Variants in TMT1A observed in about 807,000 individuals in gnomAD.
TMT1A encodes the protein thiol methyltransferase 1A.
the TMT1A span, chr12:50,929,824 G>C: frequency 1.7e-6 from 2 of 1,185,794 alleles, no homozygotes; most frequent in Non-Finnish European, 1.2e-6. Flanking sequence ...GGTTTGCAAG[G>C]CAGTGCCAGA....
the TMT1A span, among the ~76,000 whole-genome samples, chr12:50,928,453 T>C: frequency 1.3e-5 from 2 of 152,242 alleles, no homozygotes; most frequent in Admixed American, 1.3e-4. Context: ...GAAAAGCTGA[T>C]GGAGCTGGAT....
the TMT1A span, among the ~76,000 whole-genome samples, chr12:50,927,823 T>C: frequency 6.6e-6 from 1 of 152,136 alleles, no homozygotes; most frequent in East Asian, 1.9e-4. Context: ...TTAATGCAAA[T>C]GCAAATATTC....
the TMT1A span, chr12:50,925,265 A>T: frequency 6.2e-7 from 1 of 1,614,168 alleles, no homozygotes; most frequent in Non-Finnish European, 8.5e-7. Flanking sequence ...TCCCTGCTGG[A>T]AGTGGGCTGT....
chr12:50,925,238 G>A, the TMT1A span: 4 of 1,614,210 alleles, frequency 2.5e-6, no homozygotes, highest in Non-Finnish European at 3.4e-6. Context: ...GAGTTTGCGG[G>A]CCCCTCCGGG....
the TMT1A span, among the ~76,000 whole-genome samples, chr12:50,926,104 G>A: frequency 7.0e-6 from 1 of 142,848 alleles, no homozygotes; most frequent in Non-Finnish European, 1.5e-5. Flanking sequence ...TACAAAACAA[G>A]CTTGGAAAAA....
chr12:50,925,518 G>A, the TMT1A span: 17 of 1,613,512 alleles, frequency 1.1e-5, 1 homozygote, highest in South Asian at 1.9e-4. Context: ...TCCGCGAGGT[G>A]TGCAGAGTGC....
At chr12:50,931,459 TAG>T in the TMT1A span, 1 of 150,830 alleles carries the variant, frequency 6.6e-6, no homozygotes, top group African/African-American at 2.4e-5. Flanking sequence ...CCTGTAATCC[TAG>T]CACTTTGGGA....
chr12:50,928,115 G>A, the TMT1A span, among the ~76,000 whole-genome samples: 1,266 of 152,264 alleles, frequency 8.3e-3, 15 homozygotes, highest in African/African-American at 0.027. Context: ...GTGAGCCACC[G>A]CGCCCAGCCA....
At chr12:50,927,549 G>A in the TMT1A span, among the ~76,000 whole-genome samples, 23 of 152,164 alleles carry the variant, frequency 1.5e-4, no homozygotes, top group African/African-American at 4.3e-4. Context: ...TCCCAACACC[G>A]CTGCAAGGCA....
the TMT1A span, among the ~76,000 whole-genome samples, chr12:50,925,754 C>G: frequency 6.6e-6 from 1 of 151,876 alleles, no homozygotes; most frequent in Non-Finnish European, 1.5e-5. Context: ...GAAAAAACCT[C>G]CTGGCCGGGC....
chr12:50,927,547 C>G, the TMT1A span, among the ~76,000 whole-genome samples: 63 of 152,338 alleles, frequency 4.1e-4, no homozygotes, highest in East Asian at 0.012. Flanking sequence ...TCTCCCAACA[C>G]CGCTGCAAGG....
chr12:50,927,251 T>G, the TMT1A span, among the ~76,000 whole-genome samples: 3 of 152,132 alleles, frequency 2.0e-5, no homozygotes, highest in Non-Finnish European at 4.4e-5. Context: ...GGTCTCAAAC[T>G]CCTGGGCTCA....
At chr12:50,926,016 C>CAAAAAAA in the TMT1A span, among the ~76,000 whole-genome samples, 15 of 26,042 alleles carry the variant, frequency 5.8e-4, no homozygotes, top group Admixed American at 1.5e-3. Flanking sequence ...AACTCCATCT[C>CAAAAAAA]AAAAAAAAAA....
chr12:50,929,772 G>A, the TMT1A span: 4 of 690,894 alleles, frequency 5.8e-6, no homozygotes, highest in South Asian at 7.6e-5. Flanking sequence ...TGTGCTTAGT[G>A]TGGAGTGACC....
the TMT1A span, among the ~76,000 whole-genome samples, chr12:50,925,826 G>A: frequency 6.6e-6 from 1 of 151,850 alleles, no homozygotes; most frequent in African/African-American, 2.4e-5. Flanking sequence ...ATCGCTTGAG[G>A]TCAGGAGTTC....
At chr12:50,927,238 G>A in the TMT1A span, among the ~76,000 whole-genome samples, 1 of 152,144 alleles carries the variant, frequency 6.6e-6, no homozygotes, top group East Asian at 1.9e-4. Flanking sequence ...TGTTGCCCAG[G>A]CTGGTCTCAA....
the TMT1A span, chr12:50,925,177 T>A: frequency 6.2e-7 from 1 of 1,614,190 alleles, no homozygotes; most frequent in African/African-American, 1.3e-5. Flanking sequence ...CACTGTGATA[T>A]ACAACGAACA....
chr12:50,929,345 C>A, the TMT1A span, among the ~76,000 whole-genome samples: 1 of 152,202 alleles, frequency 6.6e-6, no homozygotes, highest in Non-Finnish European at 1.5e-5. Context: ...AAACTGAATT[C>A]TCTCTCTAAA....
At chr12:50,929,872 G>GA in the TMT1A span, 36 of 1,538,156 alleles carry the variant, frequency 2.3e-5, no homozygotes, top group Admixed American at 4.1e-5. Context: ...AAGCAGAAAT[G>GA]AAAAAATCCT....
Sources: gnomAD v4.1 joint callset for allele counts (sites outside exome capture counted in the v4.1 genomes callset) on GRCh38, gnomAD v4.1.1 for gene constraint, MANE v1.5 for transcripts, NCBI Gene and HGNC (gene_info 2026-07-23, HGNC 2026-07-21) for gene names.